The following NID2 variants were observed in gnomAD, a reference collection of about 807,000 sequenced individuals.
NID2 encodes nidogen 2, also known as nidogen-2.
NID2 carries 83 observed loss-of-function variants against 145.4 expected under a neutral mutation model. That is an observed-to-expected ratio of 0.57 (90% CI 0.48 to 0.69). The LOEUF (loss-of-function observed/expected upper bound fraction) is 0.69, where lower values mean the gene tolerates loss of function less well. Ranked by LOEUF, NID2 falls within the 30% of genes least tolerant of loss-of-function variation. The probability of loss-of-function intolerance (pLI) is 0.00; values close to 1 mark genes in which losing one functional copy is unlikely to be tolerated. For synonymous variants in NID2, 739 were observed against 701.3 expected (o/e 1.05, Z -0.85); for missense variants, 1,807 against 1,765.7 (o/e 1.02, Z -0.42).
chr14:52,026,295 G>T (rs2140370923), intron 12 of NID2, among the ~76,000 whole-genome samples: 1 of 152,358 alleles, frequency 6.6e-6, no homozygotes, highest in South Asian at 2.1e-4. Flanking sequence ...TAGCACATCA[G>T]CTCGGTGGGC....
intron 8 of NID2, among the ~76,000 whole-genome samples, chr14:52,040,088 G>C (rs530023670): frequency 1.3e-5 from 2 of 152,074 alleles, no homozygotes; most frequent in East Asian, 1.9e-4. Context: ...TCGCAGGAGC[G>C]TGCCACCACA....
chr14:52,031,935 A>G (rs1595026404), intron 9 of NID2, among the ~76,000 whole-genome samples: 1 of 152,188 alleles, frequency 6.6e-6, no homozygotes, highest in Non-Finnish European at 1.5e-5. Context: ...CCCCACTGCT[A>G]TGGGGGGAGA....
At chr14:52,019,406 G>C (rs189227708) in intron 13 of NID2, 112 bp from the exon 14 acceptor site, 1 of 748,912 alleles carries the variant, frequency 1.3e-6, no homozygotes, top group African/African-American at 1.8e-5. Context: ...TTTGGAGCCC[G>C]AGATTCTTAT....
At position 52,057,621 on chromosome 14, in the gene NID2, G is replaced by A. The variant is rs903350347; in HGVS notation, c.767+2503C>T. 3.5e-5 allele frequency among the ~76,000 whole-genome samples: 5 copies of A among 143,342 alleles called. No individual in the cohort carries two copies. In the South Asian group the frequency reaches 8.7e-4, roughly 25 times the overall value. 94.0% of individuals were successfully genotyped at this position (143,342 alleles called of 152,430 possible). On this transcript the variant is annotated intron_variant, in intron 3 of 21. Coordinates refer to ENST00000216286, the MANE Select transcript of NID2 (RefSeq NM_007361.4). Reference sequence around the variant, plus strand: ...GGAGGCTGAGGCAGGAGAATTGCTTGAACCCAGGAGGCAGAGGTTGCAATG... The same window carrying A: ...GGAGGCTGAGGCAGGAGAATTGCTTAAACCCAGGAGGCAGAGGTTGCAATG...
Position 52,014,120 on chromosome 14 carries a change from A to C in NID2, c.3420+167T>G, listed in dbSNP as rs772575751. The C allele has an allele frequency of 1.0e-5, 8 of 792,366 alleles. No individual in the cohort carries two copies. In the African/African-American group the frequency reaches 1.0e-4, roughly 10 times the overall value. 49.1% of individuals were successfully genotyped at this position (792,366 alleles called of 1,614,324 possible). A position where few individuals can be genotyped will look rare whatever the true frequency, so the allele number is the denominator to read the frequency against. ...TGACAGGTGACTCCCAGCAAGAGAG[A>C]GCCCTGGTCCTATGGTGGTGGCATC... On this transcript the variant is annotated intron_variant, in intron 16 of 21. Transcript: ENST00000216286.
chr14:52,055,941 T>TTGTGTGTGTTTGTGTGTG (rs59859441), intron 3 of NID2, among the ~76,000 whole-genome samples: 9 of 150,490 alleles, frequency 6.0e-5, no homozygotes, highest in Non-Finnish European at 1.2e-4. Flanking sequence ...TTGTGTGTGT[T>TTGTGTGTGTTTGTGTGTG]TGTGTGTGTG....
intron 16 of NID2, among the ~76,000 whole-genome samples, chr14:52,013,324 G>C (rs1212339611): frequency 1.3e-5 from 2 of 152,174 alleles, no homozygotes; most frequent in Non-Finnish European, 2.9e-5. Flanking sequence ...CAACTTCTTA[G>C]TCTCTACCTC....
intron 9 of NID2, among the ~76,000 whole-genome samples, chr14:52,037,684 G>C (rs1892120578): frequency 6.6e-6 from 1 of 152,182 alleles, no homozygotes; most frequent in Non-Finnish European, 1.5e-5. Flanking sequence ...TTTCTTCAAA[G>C]AGCCAGCTGA....
rs117951233 is a variant in NID2 at position 52,062,902 on chromosome 14, C to T, written c.535-2546G>A. 5.4e-4 allele frequency among the ~76,000 whole-genome samples: 82 copies of T among 152,272 alleles called. 1 individual carries two copies. In the East Asian group the frequency reaches 0.014, roughly 27 times the overall value. On this transcript the variant is annotated intron_variant, in intron 2 of 21. Transcript: ENST00000216286. ...CTATATACTGTTCTTGAGATGAGCA[C>T]TCATTATGGGTGGCAAGTATTTAAT... is the stretch of plus-strand genomic sequence containing the variant.
At chr14:52,056,523 C>T (rs1000806826) in intron 3 of NID2, among the ~76,000 whole-genome samples, 54 of 152,226 alleles carry the variant, frequency 3.5e-4, no homozygotes, top group Admixed American at 2.3e-3. Flanking sequence ...TGACCAGGTA[C>T]GGTGGTTCAT....
Position 52,038,874 on chromosome 14 carries a change from C to T in NID2, c.2130G>A (p.Arg710=). The T allele has an allele frequency of 6.2e-7, 1 of 1,614,146 alleles. No individual in the cohort carries two copies. The highest frequency in any genetic ancestry group is 8.5e-7 in the Non-Finnish European group (1 of 1,180,010). The part of the protein sequence containing the change: ...IHQNITYQVC[R]HAPRHPSFPT... The stretch of plus-strand genomic sequence containing the variant: ...GGAAGGACGGGTGTCTGGGGGCGTG[C>T]CTGCACACCTGGTAAGTGATGTTCT... The change falls in exon 9 of 22, where the codon AGG becomes AGA. Residue 710 remains arginine, a synonymous_variant. Transcript: ENST00000216286.
intron 9 of NID2, among the ~76,000 whole-genome samples, chr14:52,034,733 G>A (rs2140389102): frequency 6.6e-6 from 1 of 152,344 alleles, no homozygotes; most frequent in Middle Eastern, 3.4e-3. Context: ...ATCACTTACA[G>A]ATTCACCTCA....
Position 52,042,227 on chromosome 14 carries a change from G to A in NID2, c.1703C>T (p.Ala568Val). ...TGCTGGCTGTGGGATGTGGCTGATG[G>A]CCGTGTAGGCTCTGCCATCATTGCC... The part of the protein sequence containing the change: ...IVGNDGRAYT[A>V]ISHIPQPAAQ... Residue 568 changes from alanine to valine, a missense_variant, in exon 7 of 22, where the codon GCC becomes GTC. Physicochemically the swap from Ala to Val is moderately conservative, Grantham distance 64. Coordinates refer to ENST00000216286, the MANE Select transcript of NID2 (RefSeq NM_007361.4). 6.2e-7 allele frequency: 1 copy of A among 1,614,200 alleles called. No homozygotes were observed. Among genetic ancestry groups the A allele is most frequent in the Non-Finnish European group, 8.5e-7 (1 of 1,180,032 alleles).
rs143912252 is a variant in NID2, at chr14:52,029,618, T to C, written c.2330A>G (p.His777Arg). The C allele has an allele frequency of 4.8e-5, 77 of 1,614,156 alleles. No homozygotes were observed. In the African/African-American group the frequency reaches 6.1e-4, roughly 13 times the overall value. ...SHMCDTTARC[H>R]PGTGVDYTCE... ...GGTGTAATCTACACCTGTCCCTGGA[T>C]GGCACCGTGCTGTTGTGTCACACAT... Residue 777 changes from histidine (H) to arginine (R), a missense_variant, in exon 10 of 22, where the codon CAT (histidine) becomes CGT (arginine). By Grantham distance (29) the His-to-Arg change is conservative. Coordinates refer to ENST00000216286, the MANE Select transcript of NID2 (RefSeq NM_007361.4).
At chr14:52,044,988 G>C (rs868017087) in intron 5 of NID2, among the ~76,000 whole-genome samples, 1 of 152,058 alleles carries the variant, frequency 6.6e-6, no homozygotes, top group Non-Finnish European at 1.5e-5. Flanking sequence ...ACCTGAAGTC[G>C]CATAGGCAGT....
At position 52,032,804 on chromosome 14, in the gene NID2, GA is replaced by G. The variant is rs3030384; in HGVS notation, c.2258-3115del. ...CTTACCACCCTGCTAGGCATTAAAA[GA>G]AAAAAAAAAAATCTCAGCTCAAAAG... On this transcript the variant is annotated intron_variant, in intron 9 of 21. Coordinates refer to ENST00000216286, the MANE Select transcript of NID2 (RefSeq NM_007361.4). 1.1e-3 allele frequency among the ~76,000 whole-genome samples: 154 copies of G among 141,848 alleles called. 1 individual carries two copies. The highest frequency in any genetic ancestry group is 3.8e-3 in the African/African-American group (141 of 37,226). 93.1% of individuals were successfully genotyped at this position (141,848 alleles called of 152,430 possible).
At chr14:52,011,125 G>C in intron 17 of NID2, 78 bp from the exon 18 acceptor site, 1 of 1,431,736 alleles carries the variant, frequency 7.0e-7, no homozygotes, top group Non-Finnish European at 9.6e-7. Context: ...ACGGTCGGGT[G>C]GGCAGGGGGG....
In NID2 at chr14:52,042,770, CCAGT is replaced by C; in HGVS notation, c.1579+8_1579+11del. The C allele has an allele frequency of 1.9e-6, 3 of 1,613,898 alleles. No homozygotes were observed. The East Asian group carries it at 6.7e-5, about 36-fold the overall frequency. ...AATAGACACACAGGAGTTCCTGGCC[CCAGT>C]CAATTACCTTCAGGCAGACAGTGCT... On this transcript the variant is annotated splice_region_variant and intron_variant, in intron 6 of 21. Transcript: ENST00000216286.
In NID2 at chr14:52,042,253, C is replaced by T. The variant is rs1007977148; in HGVS notation, c.1677G>A (p.Val559=). 1.2e-6 allele frequency: 2 copies of T among 1,614,068 alleles called. No individual in the cohort carries two copies. Among genetic ancestry groups the T allele is most frequent in the Non-Finnish European group, 1.7e-6 (2 of 1,180,044 alleles). ...FTDVDLHAYI[V]GNDGRAYTAI... is the part of the protein sequence containing the mutation. ...CCGTGTAGGCTCTGCCATCATTGCC[C>T]ACGATATACGCATGCAGGTCCACAT... is the stretch of plus-strand genomic sequence containing the variant. The change falls in exon 7 of 22, where the codon GTG becomes GTA. Residue 559 remains valine, a synonymous_variant. Coordinates refer to ENST00000216286, the MANE Select transcript of NID2 (RefSeq NM_007361.4).
Sources: gnomAD v4.1 joint callset for allele counts (sites outside exome capture counted in the v4.1 genomes callset) on GRCh38, gnomAD v4.1.1 for gene constraint, MANE v1.5 for transcripts, NCBI Gene and HGNC (gene_info 2026-07-23, HGNC 2026-07-21) for gene names.